Variants in FILIP1L observed in about 807,000 individuals in gnomAD.
The protein encoded by FILIP1L is filamin A interacting protein 1 like.
A neutral mutation model predicts 96.6 loss-of-function variants in FILIP1L; 55 were observed. That is an observed-to-expected ratio of 0.57 (90% CI 0.46 to 0.71). The LOEUF is 0.71. Among genes scored for constraint, FILIP1L ranks in the 30% least tolerant of loss-of-function variants. FILIP1L has a pLI of 0.00. For missense variants in FILIP1L, 1,304 were observed against 1,321.2 expected (o/e 0.99, Z 0.20); for synonymous variants, 467 against 473.9 (o/e 0.99, Z 0.19).
At chr3:99,866,713 T>C (rs1219653160) in intron 4 of FILIP1L, among the ~76,000 whole-genome samples, 1 of 152,206 alleles carries the variant, frequency 6.6e-6, no homozygotes, top group Non-Finnish European at 1.5e-5. Context: ...GCATCCTACT[T>C]CTACCTTTAC....
chr3:100,007,011 A>G (rs1710007732), intron 1 of FILIP1L, among the ~76,000 whole-genome samples: 1 of 152,188 alleles, frequency 6.6e-6, no homozygotes, highest in South Asian at 2.1e-4. Flanking sequence ...TAAATCTTTC[A>G]TTACTTACTG....
At chr3:100,028,929 A>G (rs1410812853) in intron 1 of FILIP1L, among the ~76,000 whole-genome samples, 1 of 152,170 alleles carries the variant, frequency 6.6e-6, no homozygotes, top group African/African-American at 2.4e-5. Flanking sequence ...ATAAACATAA[A>G]CATATACATA....
intron 5 of FILIP1L, among the ~76,000 whole-genome samples, chr3:99,839,173 G>C (rs1943023669): frequency 6.6e-6 from 1 of 152,088 alleles, no homozygotes; most frequent in African/African-American, 2.4e-5. Flanking sequence ...AATCCCACCT[G>C]AAAGTAACCT....
intron 1 of FILIP1L, among the ~76,000 whole-genome samples, chr3:100,078,568 A>G (rs2065884810): frequency 6.6e-6 from 1 of 152,074 alleles, no homozygotes; most frequent in East Asian, 1.9e-4. Context: ...AAATACACCA[A>G]CACTAGCGAT....
At chr3:100,020,506 G>A (rs1014549490) in intron 1 of FILIP1L, among the ~76,000 whole-genome samples, 1 of 152,278 alleles carries the variant, frequency 6.6e-6, no homozygotes, top group Admixed American at 6.5e-5. Context: ...AAGGCCTCAG[G>A]TAGGGCTTGC....
intron 4 of FILIP1L, among the ~76,000 whole-genome samples, chr3:99,866,785 A>G (rs1476514085): frequency 6.6e-6 from 1 of 152,126 alleles, no homozygotes; most frequent in Admixed American, 6.5e-5. Context: ...TTGCAAAGTG[A>G]GAGTTTGGGC....
intron 1 of FILIP1L, among the ~76,000 whole-genome samples, chr3:100,042,791 C>T (rs186710787): frequency 2.6e-5 from 4 of 152,200 alleles, no homozygotes; most frequent in South Asian, 2.1e-4. Flanking sequence ...GAGAAATACA[C>T]GTTTTAAAGT....
chr3:99,844,355 A>C (rs929715504), intron 5 of FILIP1L, among the ~76,000 whole-genome samples: 1 of 152,172 alleles, frequency 6.6e-6, no homozygotes, highest in Non-Finnish European at 1.5e-5. Flanking sequence ...GCTGATCTAT[A>C]AGAGTTTTGG....
At chr3:100,060,055 G>A (rs936135415) in intron 1 of FILIP1L, among the ~76,000 whole-genome samples, 11 of 151,674 alleles carry the variant, frequency 7.3e-5, no homozygotes, top group Non-Finnish European at 1.5e-4. Flanking sequence ...AAATGGGGGC[G>A]GGGGGAAGAT....
intron 1 of FILIP1L, among the ~76,000 whole-genome samples, chr3:99,937,834 C>T (rs746646209): frequency 6.6e-6 from 1 of 152,158 alleles, no homozygotes; most frequent in Non-Finnish European, 1.5e-5. Flanking sequence ...GTGTATAGAC[C>T]TCTTACCACA....
intron 4 of FILIP1L, among the ~76,000 whole-genome samples, chr3:99,855,459 G>C (rs770006311): frequency 6.6e-6 from 1 of 152,184 alleles, no homozygotes; most frequent in Non-Finnish European, 1.5e-5. Flanking sequence ...CTGTACATCT[G>C]TCGGTTCTAA....
intron 4 of FILIP1L, among the ~76,000 whole-genome samples, chr3:99,890,206 C>G (rs1045159501): frequency 3.9e-5 from 6 of 152,100 alleles, no homozygotes; most frequent in Non-Finnish European, 8.8e-5. Flanking sequence ...CCACCAACTT[C>G]TGGTTTCCCA....
At chr3:100,037,939 CTTT>C (rs150366639) in intron 1 of FILIP1L, among the ~76,000 whole-genome samples, 3 of 118,182 alleles carry the variant, frequency 2.5e-5, no homozygotes, top group Admixed American at 9.5e-5. Context: ...AATCGCTTTT[CTTT>C]TTTTTTTTTT....
intron 1 of FILIP1L, among the ~76,000 whole-genome samples, chr3:100,050,801 A>G (rs1177347159): frequency 6.6e-6 from 1 of 152,156 alleles, no homozygotes; most frequent in Non-Finnish European, 1.5e-5. Flanking sequence ...AAGTGCTGGG[A>G]TTACAGGCAT....
intron 1 of FILIP1L, among the ~76,000 whole-genome samples, chr3:99,939,805 C>T (rs993059677): frequency 1.2e-4 from 18 of 152,308 alleles, no homozygotes; most frequent in African/African-American, 4.3e-4. Context: ...GCAGATTCCT[C>T]GTCTGCAAGA....
At chr3:100,112,858 G>T (rs1447476051) in intron 1 of FILIP1L, among the ~76,000 whole-genome samples, 1 of 152,204 alleles carries the variant, frequency 6.6e-6, no homozygotes, top group South Asian at 2.1e-4. Flanking sequence ...TTTCATAATA[G>T]TGTCAACTGA....
chr3:99,872,155 C>G (rs1944821415), intron 4 of FILIP1L, among the ~76,000 whole-genome samples: 1 of 152,122 alleles, frequency 6.6e-6, no homozygotes, highest in Non-Finnish European at 1.5e-5. Context: ...AGCTGTGTCT[C>G]TGGGGCAAGT....
At chr3:99,920,204 A>G (rs1559688150) in intron 4 of FILIP1L, among the ~76,000 whole-genome samples, 1 of 152,222 alleles carries the variant, frequency 6.6e-6, no homozygotes, top group Non-Finnish European at 1.5e-5. Flanking sequence ...TGGATAGCAT[A>G]CATAGTTTGT....
intron 1 of FILIP1L, among the ~76,000 whole-genome samples, chr3:99,996,491 T>G (rs1709685244): frequency 6.6e-6 from 1 of 152,172 alleles, no homozygotes; most frequent in Non-Finnish European, 1.5e-5. Flanking sequence ...CCAAAGCCAC[T>G]TCCACATTTT....
Sources: allele counts gnomAD v4.1 joint callset (sites outside exome capture counted in the v4.1 genomes callset), GRCh38; gene constraint gnomAD v4.1.1; transcripts MANE v1.5; gene names NCBI Gene and HGNC (gene_info 2026-07-23, HGNC 2026-07-21).